SAMSN1: variants seen among roughly 807,000 people sequenced by gnomAD.
SAMSN1 encodes SAM domain, SH3 domain and nuclear localization signals 1, also known as SAM domain-containing protein SAMSN-1.
Under a neutral mutation model 42.0 loss-of-function variants are expected in SAMSN1, and 31 were observed. That is an observed-to-expected ratio of 0.74 (90% CI 0.55 to 1.00). The LOEUF is 1.00. Among genes scored for constraint, SAMSN1 ranks in the 50% least tolerant of loss-of-function variants. The pLI is 0.00. For synonymous variants in SAMSN1, 178 were observed against 151.9 expected (o/e 1.17, Z -1.26); for missense variants, 464 against 439.4 (o/e 1.06, Z -0.50).
At chr21:14,565,311 T>C (rs1315122690) in intron 2 of SAMSN1, among the ~76,000 whole-genome samples, 2 of 151,680 alleles carry the variant, frequency 1.3e-5, no homozygotes, top group Non-Finnish European at 2.9e-5. Flanking sequence ...AAACATGTTT[T>C]GGTTTGTATA....
rs1568816130 is a variant in SAMSN1, at chr21:14,577,267, TATATATATATATA to T, written c.261+4856_261+4868del. On this transcript the variant is annotated intron_variant, in intron 2 of 8. Coordinates refer to the SAMSN1 transcript ENST00000285670. ...ATATATATATATATATATATATATA[TATATATATATATA>T]TATATTTTTTTTTTAGAAGAGACAG... 4.0e-3 allele frequency among the ~76,000 whole-genome samples: 211 copies of T among 52,818 alleles called. 20 individuals are homozygous for T. Among genetic ancestry groups the T allele is most frequent in the African/African-American group, 0.021 (173 of 8,074 alleles). The allele number at this position is 52,818 out of a possible 152,430, so 34.7% of individuals were successfully genotyped here.
chr21:14,539,531 C>T lies in SAMSN1; in HGVS notation c.57+6674G>A, dbSNP rs568848432. Among the ~76,000 whole-genome samples, 7 of 152,124 alleles carry T rather than the reference C, an allele frequency of 4.6e-5. No individual in the cohort carries two copies. The South Asian group carries it at 8.3e-4, about 18-fold the overall frequency. On this transcript the variant is annotated intron_variant, in intron 1 of 7. Transcript: ENST00000400566. ...AACAGAGAGCCAAATCATGATTGAACTCCCATTCACAATTGCTTCAAAGAG... is the reference window on the plus strand; with the variant it reads ...AACAGAGAGCCAAATCATGATTGAATTCCCATTCACAATTGCTTCAAAGAG...
intron 5 of SAMSN1, among the ~76,000 whole-genome samples, chr21:14,603,089 C>A (rs2123303263): frequency 6.6e-6 from 1 of 152,220 alleles, no homozygotes; most frequent in African/African-American, 2.4e-5. Context: ...TGATCTGGTT[C>A]TTTGAATCAA....
intron 2 of SAMSN1, among the ~76,000 whole-genome samples, chr21:14,631,569 A>G (rs1040617500): frequency 2.6e-4 from 40 of 152,126 alleles, no homozygotes; most frequent in African/African-American, 9.6e-4. Context: ...GGTTCACCAT[A>G]TTGGCCAGAC....
intron 2 of SAMSN1, among the ~76,000 whole-genome samples, chr21:14,575,915 G>T (rs1031197267): frequency 2.0e-5 from 3 of 152,038 alleles, no homozygotes; most frequent in Admixed American, 2.0e-4. Context: ...TCTACATCAT[G>T]GATTCTTACT....
intron 2 of SAMSN1, among the ~76,000 whole-genome samples, chr21:14,553,276 A>G (rs1980659681): frequency 6.6e-6 from 1 of 152,054 alleles, no homozygotes; most frequent in South Asian, 2.1e-4. Context: ...TTAATGCTTT[A>G]TGTTCCTCTT....
At chr21:14,583,748 T>C (rs1165902214), upstream of SAMSN1, 1 of 717,928 alleles carries the variant, frequency 1.4e-6, no homozygotes. Context: ...CCCCATTGAT[T>C]CCACAGGGTC....
At chr21:14,648,226 C>G (rs1427741414) in intron 1 of SAMSN1, among the ~76,000 whole-genome samples, 1 of 152,130 alleles carries the variant, frequency 6.6e-6, no homozygotes, top group Non-Finnish European at 1.5e-5. Context: ...ATGTAGAAAG[C>G]TGAAACTGGA....
At chr21:14,656,046 A>C (rs991900024) in intron 1 of SAMSN1, among the ~76,000 whole-genome samples, 1 of 151,808 alleles carries the variant, frequency 6.6e-6, no homozygotes, top group Non-Finnish European at 1.5e-5. Flanking sequence ...AAATTACAAA[A>C]TATTATTGAA....
At chr21:14,507,448 G>GCAAAAA (rs112414014) in intron 5 of SAMSN1, among the ~76,000 whole-genome samples, 6 of 152,006 alleles carry the variant, frequency 3.9e-5, no homozygotes, top group Non-Finnish European at 5.9e-5. Flanking sequence ...TACAATAGCT[G>GCAAAAA]CAAAAACAAA....
chr21:14,515,031 C>G (rs1987844242), intron 3 of SAMSN1, among the ~76,000 whole-genome samples: 1 of 151,588 alleles, frequency 6.6e-6, no homozygotes, highest in South Asian at 2.1e-4. Flanking sequence ...AGAAAGGAAG[C>G]TATGAGGAAG....
chr21:14,546,358 A>T (rs923245207), upstream of SAMSN1: 2 of 1,547,070 alleles, frequency 1.3e-6, no homozygotes, highest in Non-Finnish European at 1.7e-6. Context: ...AGCATCAGAT[A>T]AGGTTGAGCC....
intron 1 of SAMSN1, among the ~76,000 whole-genome samples, chr21:14,526,505 T>G (rs1978869111): frequency 6.6e-6 from 1 of 152,318 alleles, no homozygotes; most frequent in East Asian, 1.9e-4. Context: ...AAGGCGATTC[T>G]TTTTTTATTA....
At chr21:14,624,846 A>T (rs1983118825) in intron 2 of SAMSN1, among the ~76,000 whole-genome samples, 1 of 152,320 alleles carries the variant, frequency 6.6e-6, no homozygotes, top group East Asian at 1.9e-4. Context: ...TTAGACCAAT[A>T]TCCTTGATGA....
At position 14,593,957 on chromosome 21, in the gene SAMSN1, T is replaced by G; in HGVS notation, c.465+56A>C. On this transcript the variant is annotated intron_variant, in intron 7 of 15. Coordinates refer to the SAMSN1 transcript ENST00000647101. ...ACAGTGCTTGTGGCATTAAAATGAGTGGAAAAGAGATGGGAAATCCACTTA... is the reference window on the plus strand; with the variant it reads ...ACAGTGCTTGTGGCATTAAAATGAGGGGAAAAGAGATGGGAAATCCACTTA... The G allele has an allele frequency of 4.2e-6, 3 of 710,166 alleles. No homozygotes were observed. The South Asian group carries it at 4.5e-5, about 11-fold the overall frequency. 44.0% of individuals were successfully genotyped at this position (710,166 alleles called of 1,614,324 possible). A position where few individuals can be genotyped will look rare whatever the true frequency, so the allele number is the denominator to read the frequency against.
At chr21:14,541,872 G>A (rs1980055077) in intron 1 of SAMSN1, among the ~76,000 whole-genome samples, 1 of 151,930 alleles carries the variant, frequency 6.6e-6, no homozygotes, top group South Asian at 2.1e-4. Flanking sequence ...GCAGGACTGT[G>A]ATTCCAGCGA....
At chr21:14,650,138 A>C (rs1004401465) in intron 1 of SAMSN1, among the ~76,000 whole-genome samples, 1 of 152,138 alleles carries the variant, frequency 6.6e-6, no homozygotes, top group African/African-American at 2.4e-5. Context: ...GATCTTCCAG[A>C]CAGAAAATCA....
upstream of SAMSN1, among the ~76,000 whole-genome samples, chr21:14,549,612 AG>A (rs1268766163): frequency 1.3e-5 from 2 of 152,188 alleles, no homozygotes; most frequent in African/African-American, 4.8e-5. Context: ...ACCAATTTCA[AG>A]AATTTGAAAA....
chr21:14,612,718 T>G, intron 4 of SAMSN1: 1 of 655,756 alleles, frequency 1.5e-6, no homozygotes, highest in Non-Finnish European at 2.9e-6. Context: ...AAAGTTAGAA[T>G]GAAGCCACTT....
Sources: allele counts gnomAD v4.1 joint callset (sites outside exome capture counted in the v4.1 genomes callset), GRCh38; gene constraint gnomAD v4.1.1; transcripts MANE v1.5; gene names NCBI Gene and HGNC (gene_info 2026-07-23, HGNC 2026-07-21).